The following SYT9 variants were observed in gnomAD, a reference collection of about 807,000 sequenced individuals.
SYT9 encodes the protein synaptotagmin 9.
SYT9 carries 22 observed loss-of-function variants against 48.4 expected under a neutral mutation model. That is an observed-to-expected ratio of 0.45 (90% confidence interval 0.32 to 0.65). SYT9 has a LOEUF of 0.65. Among genes scored for constraint, SYT9 ranks in the 30% least tolerant of loss-of-function variants. The pLI is 0.03. For synonymous variants in SYT9, 265 were observed against 245.0 expected (o/e 1.08, Z -0.76); for missense variants, 577 against 622.0 (o/e 0.93, Z 0.77).
upstream of SYT9, among the ~76,000 whole-genome samples, chr11:7,247,545 G>A (rs376174809): frequency 5.4e-4 from 71 of 132,382 alleles, no homozygotes; most frequent in African/African-American, 1.9e-3. Flanking sequence ...ATATATACAC[G>A]TATACATGTA....
intron 6 of SYT9, among the ~76,000 whole-genome samples, chr11:7,446,946 C>T (rs1001315227): frequency 4.6e-5 from 7 of 152,232 alleles, no homozygotes; most frequent in Admixed American, 3.3e-4. Flanking sequence ...TGGGACACAT[C>T]AGCATCGCCA....
intron 1 of SYT9, among the ~76,000 whole-genome samples, chr11:7,277,453 G>A (rs548043533): frequency 1.5e-3 from 224 of 152,180 alleles, no homozygotes; most frequent in Admixed American, 3.7e-3. Context: ...TTCAAAAGTC[G>A]ACTTAACAAA....
chr11:7,426,749 A>T (rs952696590), intron 6 of SYT9, among the ~76,000 whole-genome samples: 1 of 151,644 alleles, frequency 6.6e-6, no homozygotes, highest in Non-Finnish European at 1.5e-5. Context: ...TGCTTCCTCT[A>T]CCTGTCTGGT....
intron 1 of SYT9, among the ~76,000 whole-genome samples, chr11:7,286,514 T>C (rs116789350): frequency 0.077 from 11,750 of 152,270 alleles, 616 homozygotes; most frequent in African/African-American, 0.15. Context: ...GACATTTTCC[T>C]CATTGTGTTC....
intron 3 of SYT9, among the ~76,000 whole-genome samples, chr11:7,400,590 G>C (rs1016832827): frequency 7.2e-5 from 11 of 152,160 alleles, no homozygotes; most frequent in Non-Finnish European, 4.4e-5. Context: ...ATGAAAATGT[G>C]TGATAGGTTT....
chr11:7,438,408 A>T (rs1346376504), intron 6 of SYT9: 1 of 152,138 alleles, frequency 6.6e-6, no homozygotes, highest in Admixed American at 6.5e-5. Context: ...AGCAAATGTT[A>T]CTCCATGGGC....
intron 6 of SYT9, among the ~76,000 whole-genome samples, chr11:7,434,569 C>T (rs1847667260): frequency 6.6e-6 from 1 of 152,118 alleles, no homozygotes; most frequent in South Asian, 2.1e-4. Context: ...ACACAAAGTT[C>T]AGGAATGAGT....
intron 3 of SYT9, among the ~76,000 whole-genome samples, chr11:7,358,554 T>A (rs1215574131): frequency 6.6e-6 from 1 of 152,184 alleles, no homozygotes; most frequent in Non-Finnish European, 1.5e-5. Context: ...TAGTGTTTCA[T>A]CATTAAGAAT....
intron 3 of SYT9, among the ~76,000 whole-genome samples, chr11:7,398,182 T>C (rs937463201): frequency 7.2e-5 from 11 of 152,210 alleles, no homozygotes; most frequent in African/African-American, 2.7e-4. Context: ...AAATATTGAC[T>C]TTTATCAAAT....
chr11:7,421,049 G>A (rs141572331), intron 6 of SYT9, among the ~76,000 whole-genome samples: 152 of 152,182 alleles, frequency 1.0e-3, no homozygotes, highest in African/African-American at 3.4e-3. Context: ...CTGTGATTCT[G>A]GGCAAGTGGG....
At chr11:7,269,024 T>C (rs1267710633) in intron 1 of SYT9, among the ~76,000 whole-genome samples, 1 of 152,148 alleles carries the variant, frequency 6.6e-6, no homozygotes, top group Non-Finnish European at 1.5e-5. Context: ...ATAATGTTTT[T>C]GAGGCCTGGC....
chr11:7,239,031 C>A, intron 1 of SYT9: 1 of 431,274 alleles, frequency 2.3e-6, no homozygotes, highest in South Asian at 1.6e-5. Flanking sequence ...GCTGACAGAA[C>A]ATGGATATTG....
At chr11:7,378,757 C>T (rs917226989) in intron 3 of SYT9, among the ~76,000 whole-genome samples, 1 of 152,078 alleles carries the variant, frequency 6.6e-6, no homozygotes, top group African/African-American at 2.4e-5. Flanking sequence ...CACTTGCTGC[C>T]ATGCTTCTCT....
intron 3 of SYT9, among the ~76,000 whole-genome samples, chr11:7,388,129 CT>C (rs1444558854): frequency 5.9e-5 from 9 of 152,234 alleles, no homozygotes; most frequent in African/African-American, 1.7e-4. Context: ...CCAACTGCAC[CT>C]GAAATTTTCT....
chr11:7,431,991 G>C (rs936417011), intron 6 of SYT9, among the ~76,000 whole-genome samples: 3 of 152,232 alleles, frequency 2.0e-5, no homozygotes, highest in African/African-American at 7.2e-5. Context: ...GTCCCACACA[G>C]AGTCCCCACA....
chr11:7,298,850 A>G (rs1461533363), intron 1 of SYT9, among the ~76,000 whole-genome samples: 3 of 152,144 alleles, frequency 2.0e-5, no homozygotes, highest in South Asian at 2.1e-4. Flanking sequence ...CAGGGCATCT[A>G]TGCCACATCT....
intron 3 of SYT9, among the ~76,000 whole-genome samples, chr11:7,330,459 A>G (rs1335469278): frequency 1.3e-5 from 2 of 152,194 alleles, no homozygotes; most frequent in East Asian, 3.8e-4. Flanking sequence ...GAAACTGCAA[A>G]TCAAAGATAA....
chr11:7,367,874 C>T (rs1850282553), intron 3 of SYT9, among the ~76,000 whole-genome samples: 1 of 152,194 alleles, frequency 6.6e-6, no homozygotes, highest in South Asian at 2.1e-4. Context: ...TAAGAACTAA[C>T]ATTTCCTAAG....
chr11:7,313,885 T>C lies in SYT9; in HGVS notation c.988T>C (p.Leu330=), dbSNP rs758309129. ...GQVVVDHFLD[L]ADFPRECILW... ...AGTGGTGGTGGATCACTTCCTAGAC[T>C]TGGCTGATTTCCCCAGGGAGTGCAT... Residue 330 remains leucine (L), a synonymous_variant, in exon 3 of 7, where the codon TTG becomes CTG. Transcript: ENST00000318881. 3.7e-6 allele frequency: 6 copies of C among 1,613,954 alleles called. No homozygotes were observed. The highest frequency in any genetic ancestry group is 5.1e-6 in the Non-Finnish European group (6 of 1,179,976).
Sources: allele counts gnomAD v4.1 joint callset (sites outside exome capture counted in the v4.1 genomes callset), GRCh38; gene constraint gnomAD v4.1.1; transcripts MANE v1.5; gene names NCBI Gene and HGNC (gene_info 2026-07-23, HGNC 2026-07-21).